Variants in XIRP2 observed in about 807,000 individuals in gnomAD.
XIRP2 encodes xin actin-binding repeat-containing protein 2.
XIRP2 carries 236 observed loss-of-function variants against 277.0 expected under a neutral mutation model. The observed-to-expected ratio is 0.85, with a 90% CI of 0.77 to 0.95. XIRP2 has a LOEUF of 0.95. Among genes scored for constraint, XIRP2 ranks in the 40% least tolerant of loss-of-function variants. XIRP2 has a pLI of 0.00. For missense variants in XIRP2, 4,640 were observed against 4,157.5 expected (o/e 1.12, Z -3.19); for synonymous variants, 1,490 against 1,416.5 (o/e 1.05, Z -1.17).
chr2:167,103,081 G>C (rs554047604), intron 2 of XIRP2, among the ~76,000 whole-genome samples: 2 of 152,194 alleles, frequency 1.3e-5, no homozygotes, highest in East Asian at 3.9e-4. Context: ...TGAGACTACA[G>C]TCAGTTCAGA....
intron 2 of XIRP2, among the ~76,000 whole-genome samples, chr2:167,048,962 A>T (rs1290108874): frequency 6.6e-6 from 1 of 151,916 alleles, no homozygotes; most frequent in Non-Finnish European, 1.5e-5. Flanking sequence ...GCACTGTAAA[A>T]TTGATGAAAG....
intron 3 of XIRP2, among the ~76,000 whole-genome samples, chr2:167,188,709 A>G (rs1693235957): frequency 6.6e-6 from 1 of 152,216 alleles, no homozygotes; most frequent in African/African-American, 2.4e-5. Context: ...GCAACATATA[A>G]ACTAACAACT....
chr2:167,184,670 T>C, intron 3 of XIRP2: 4 of 712,322 alleles, frequency 5.6e-6, no homozygotes, highest in East Asian at 2.7e-5. Context: ...TGAATTGTAC[T>C]GCTTCTGGGT....
chr2:167,074,321 T>C (rs1020463075), intron 2 of XIRP2, among the ~76,000 whole-genome samples: 4 of 152,136 alleles, frequency 2.6e-5, no homozygotes, highest in Non-Finnish European at 5.9e-5. Flanking sequence ...ATTGATTCAA[T>C]CATTTTACTT....
intron 2 of XIRP2, among the ~76,000 whole-genome samples, chr2:167,000,893 A>G (rs1207830577): frequency 1.3e-5 from 2 of 152,144 alleles, no homozygotes; most frequent in Admixed American, 1.3e-4. Flanking sequence ...TGGATATAAG[A>G]AAGTCTGACC....
chr2:167,078,421 A>G (rs1030791447), intron 2 of XIRP2, among the ~76,000 whole-genome samples: 8 of 152,070 alleles, frequency 5.3e-5, no homozygotes, highest in Non-Finnish European at 1.2e-4. Context: ...ATGAGGAGAG[A>G]TAGTTGGATT....
At chr2:166,998,845 G>T (rs1332099332) in intron 2 of XIRP2, among the ~76,000 whole-genome samples, 1 of 152,104 alleles carries the variant, frequency 6.6e-6, no homozygotes, top group Non-Finnish European at 1.5e-5. Flanking sequence ...GTGGATCCCT[G>T]AACCACCTGA....
chr2:166,914,662 C>T (rs1484063050), intron 2 of XIRP2, among the ~76,000 whole-genome samples: 3 of 152,028 alleles, frequency 2.0e-5, no homozygotes, highest in Middle Eastern at 3.4e-3. Flanking sequence ...CTGTTTTAAG[C>T]CACAGTGTTT....
At chr2:167,210,308 G>GT (rs1430820418) in intron 3 of XIRP2, among the ~76,000 whole-genome samples, 4 of 152,084 alleles carry the variant, frequency 2.6e-5, no homozygotes, top group African/African-American at 9.7e-5. Flanking sequence ...TCCTTGGAAA[G>GT]TTTTTTAATA....
chr2:167,189,243 C>T (rs1452832883), intron 3 of XIRP2, among the ~76,000 whole-genome samples: 1 of 152,154 alleles, frequency 6.6e-6, no homozygotes, highest in Non-Finnish European at 1.5e-5. Context: ...CTGTCTCTCT[C>T]TTTCTCTCTC....
chr2:167,059,328 G>A (rs1428156177), intron 2 of XIRP2, among the ~76,000 whole-genome samples: 3 of 151,244 alleles, frequency 2.0e-5, no homozygotes, highest in Admixed American at 2.0e-4. Context: ...ATGTTGGGCA[G>A]GCTGGTCTCG....
chr2:166,982,039 T>A (rs1484167296), intron 2 of XIRP2, among the ~76,000 whole-genome samples: 1 of 141,972 alleles, frequency 7.0e-6, no homozygotes, highest in Non-Finnish European at 1.6e-5. Context: ...CTGCTAGGCA[T>A]CACATCACAT....
At chr2:166,911,590 G>C (rs1043542460) in intron 2 of XIRP2, among the ~76,000 whole-genome samples, 15 of 152,190 alleles carry the variant, frequency 9.9e-5, no homozygotes, top group African/African-American at 3.6e-4. Context: ...CTTTTAATTG[G>C]AGCATTTAGC....
chr2:166,938,060 G>A (rs1164002524), intron 2 of XIRP2, among the ~76,000 whole-genome samples: 7 of 152,126 alleles, frequency 4.6e-5, no homozygotes, highest in East Asian at 1.9e-4. Flanking sequence ...TGGATTCATT[G>A]ATTTTTTGAA....
At chr2:166,945,793 T>G (rs1415843363) in intron 2 of XIRP2, among the ~76,000 whole-genome samples, 1 of 147,196 alleles carries the variant, frequency 6.8e-6, no homozygotes, top group African/African-American at 2.5e-5. Flanking sequence ...TGCCTCAGCC[T>G]CCCAAGTAGC....
At position 167,258,438 on chromosome 2, in the gene XIRP2, AGAAG is replaced by A. The variant is rs777888183; in HGVS notation, c.*634_*637del. ...ATGCCTGAAGGAAGAAAAGATGAAA[AGAAG>A]GAAGGAAGGAAGAATGTGCAAGATA... is the stretch of plus-strand genomic sequence containing the variant. On this transcript the variant is annotated 3_prime_UTR_variant, in exon 11 of 11. Coordinates refer to ENST00000409195, the MANE Select transcript of XIRP2 (RefSeq NM_152381.6). 2.6e-5 allele frequency: 42 copies of A among 1,613,190 alleles called. No individual in the cohort carries two copies. In the East Asian group the frequency reaches 3.3e-4, roughly 13 times the overall value.
chr2:166,935,926 C>T (rs1350818972), intron 2 of XIRP2, among the ~76,000 whole-genome samples: 1 of 152,056 alleles, frequency 6.6e-6, no homozygotes, highest in Non-Finnish European at 1.5e-5. Flanking sequence ...GGGTATATAC[C>T]CAGTAATGGG....
intron 10 of XIRP2, among the ~76,000 whole-genome samples, chr2:167,255,415 G>A (rs1695628703): frequency 6.6e-6 from 1 of 151,520 alleles, no homozygotes; most frequent in Non-Finnish European, 1.5e-5. Context: ...TTAACTCAGT[G>A]ACCAAAGCAT....
intron 2 of XIRP2, among the ~76,000 whole-genome samples, chr2:166,946,219 T>G (rs969112515): frequency 6.6e-6 from 1 of 152,176 alleles, no homozygotes; most frequent in Non-Finnish European, 1.5e-5. Context: ...CCTGATTATA[T>G]GAGTAAATTT....
Sources: gnomAD v4.1 joint callset for allele counts (sites outside exome capture counted in the v4.1 genomes callset) on GRCh38, gnomAD v4.1.1 for gene constraint, MANE v1.5 for transcripts, NCBI Gene and HGNC (gene_info 2026-07-23, HGNC 2026-07-21) for gene names.